The following SPTLC3 variants were observed in gnomAD, a reference collection of about 807,000 sequenced individuals.
The protein encoded by SPTLC3 is serine palmitoyltransferase 3.
SPTLC3 carries 36 observed loss-of-function variants against 59.3 expected under a neutral mutation model. The ratio of observed to expected loss-of-function variants is 0.61; its 90% CI spans 0.47 to 0.80. The LOEUF (loss-of-function observed/expected upper bound fraction) is 0.80. Ranked by LOEUF, SPTLC3 falls within the 30% of genes least tolerant of loss-of-function variation. The probability of loss-of-function intolerance (pLI) is 0.00; values close to 1 mark genes in which losing one functional copy is unlikely to be tolerated. For missense variants in SPTLC3, 625 were observed against 685.1 expected, an observed-to-expected ratio of 0.91 and a Z score of 0.98; for synonymous variants, 257 against 240.8, an observed-to-expected ratio of 1.07 and a Z score of -0.62.
intron 4 of SPTLC3, among the ~76,000 whole-genome samples, chr20:13,086,129 T>A (rs1988997908): frequency 6.6e-6 from 1 of 152,216 alleles, no homozygotes; most frequent in Non-Finnish European, 1.5e-5. Context: ...AAAATGCCAA[T>A]ATTTATATAC....
chr20:13,113,429 T>C (rs1387219936), intron 7 of SPTLC3, among the ~76,000 whole-genome samples: 3 of 152,088 alleles, frequency 2.0e-5, no homozygotes, highest in Non-Finnish European at 4.4e-5. Context: ...CATCAATTTT[T>C]TCATAACCCC....
chr20:13,040,580 G>A (rs1023686863), intron 1 of SPTLC3, among the ~76,000 whole-genome samples: 2 of 151,976 alleles, frequency 1.3e-5, no homozygotes, highest in African/African-American at 2.4e-5. Context: ...GGATGGTCTC[G>A]ATCTCCTAAC....
chr20:13,009,897 T>C (rs992017102), intron 1 of SPTLC3, among the ~76,000 whole-genome samples: 1 of 152,230 alleles, frequency 6.6e-6, no homozygotes, highest in Non-Finnish European at 1.5e-5. Flanking sequence ...ACTACTTGAT[T>C]TGAGGCCACA....
At chr20:13,150,855 T>C (rs192132018) in intron 9 of SPTLC3, among the ~76,000 whole-genome samples, 1 of 152,334 alleles carries the variant, frequency 6.6e-6, no homozygotes, top group East Asian at 1.9e-4. Context: ...CTCTAGCTTT[T>C]TGTGTGGTTA....
At position 13,010,068 on chromosome 20, in the gene SPTLC3, C is replaced by T. The variant is rs549446695; in HGVS notation, c.117+684C>T. ...TTTTTTTTTTTCACTCTTATTGCACCGGGATGTTTGCAGAGTGTCCTAGGC... is the reference window on the plus strand; with the variant it reads ...TTTTTTTTTTTCACTCTTATTGCACTGGGATGTTTGCAGAGTGTCCTAGGC... On this transcript the variant is annotated intron_variant, in intron 1 of 11. Coordinates refer to ENST00000399002, the MANE Select transcript of SPTLC3 (RefSeq NM_018327.4). Among the ~76,000 whole-genome samples, 31 of 151,174 alleles carry T rather than the reference C, an allele frequency of 2.1e-4. 1 individual carries two copies. In the South Asian group the frequency reaches 5.2e-3, roughly 25 times the overall value.
rs576908978 is a variant in SPTLC3 at position 13,058,578 on chromosome 20, G to A, written c.303+9448G>A. ...TGTGATGCAGCCTTGGTAGTGGGGG[G>A]TGAGGCAGAGGGGAGGGCTGGTCAA... On this transcript the variant is annotated intron_variant, in intron 2 of 11. Transcript: ENST00000399002. Among the ~76,000 whole-genome samples the A allele has an allele frequency of 7.9e-5, 12 of 152,282 alleles. No homozygotes were observed. The South Asian group carries it at 8.3e-4, about 11-fold the overall frequency.
At chr20:13,112,771 T>C (rs978148962) in intron 7 of SPTLC3, among the ~76,000 whole-genome samples, 6 of 152,216 alleles carry the variant, frequency 3.9e-5, no homozygotes, top group African/African-American at 1.4e-4. Context: ...TCAATCGCTC[T>C]TGGGGGCTTC....
At chr20:13,016,077 A>T (rs1344650027) in intron 1 of SPTLC3, among the ~76,000 whole-genome samples, 1 of 152,136 alleles carries the variant, frequency 6.6e-6, no homozygotes, top group African/African-American at 2.4e-5. Context: ...AACTTTTAGA[A>T]ATGAATACAA....
intron 9 of SPTLC3, among the ~76,000 whole-genome samples, chr20:13,136,295 C>T (rs1439066304): frequency 1.3e-5 from 2 of 151,976 alleles, no homozygotes; most frequent in African/African-American, 4.8e-5. Context: ...TATTTAAGAT[C>T]CTCAGAAATA....
At position 13,088,613 on chromosome 20, in the gene SPTLC3, G is replaced by A. The variant is rs150947399; in HGVS notation, c.608-2470G>A. 4.7e-3 allele frequency among the ~76,000 whole-genome samples: 700 copies of A among 149,836 alleles called. 5 individuals carry two copies. Among genetic ancestry groups the A allele is most frequent in the African/African-American group, 0.015 (618 of 40,636 alleles). On this transcript the variant is annotated intron_variant, in intron 4 of 11. Coordinates refer to ENST00000399002, the MANE Select transcript of SPTLC3 (RefSeq NM_018327.4). ...GCTGGGATTATAGGCTTGAGCCATC[G>A]TGCCTGGCCTTTGTTTTTGTTTTAA...
intron 6 of SPTLC3, among the ~76,000 whole-genome samples, chr20:13,104,706 G>A (rs1989778902): frequency 6.6e-6 from 1 of 152,148 alleles, no homozygotes; most frequent in South Asian, 2.1e-4. Context: ...GTCATTTTAA[G>A]TCCGTGGTGT....
At chr20:13,062,720 CATCAT>C (rs1216772899) in intron 2 of SPTLC3, among the ~76,000 whole-genome samples, 3 of 152,334 alleles carry the variant, frequency 2.0e-5, no homozygotes, top group Non-Finnish European at 4.4e-5. Context: ...TATGGGATCA[CATCAT>C]ACATCTTGTG....
chr20:13,160,561 C>T (rs1004621478), intron 11 of SPTLC3, among the ~76,000 whole-genome samples: 2 of 152,198 alleles, frequency 1.3e-5, no homozygotes, highest in Non-Finnish European at 2.9e-5. Flanking sequence ...ATCTACATTA[C>T]AGCAGCACCT....
At chr20:13,108,709 G>A (rs144325253) in intron 6 of SPTLC3, among the ~76,000 whole-genome samples, 3 of 152,170 alleles carry the variant, frequency 2.0e-5, no homozygotes, top group Non-Finnish European at 4.4e-5. Context: ...CAAGTAGCTG[G>A]GATTAGAGGT....
chr20:13,037,694 T>G (rs1306611948), intron 1 of SPTLC3, among the ~76,000 whole-genome samples: 1 of 152,158 alleles, frequency 6.6e-6, no homozygotes, highest in East Asian at 1.9e-4. Flanking sequence ...AAAATGAGTC[T>G]TAGAGATGCG....
At chr20:13,135,465 T>C (rs1456205418) in intron 9 of SPTLC3, among the ~76,000 whole-genome samples, 1 of 152,216 alleles carries the variant, frequency 6.6e-6, no homozygotes. Flanking sequence ...AAAAAGATGA[T>C]CTGCTTAACC....
rs546725293 is a variant in SPTLC3 at position 13,088,357 on chromosome 20, T to C, written c.608-2726T>C. On this transcript the variant is annotated intron_variant, in intron 4 of 11. Coordinates refer to ENST00000399002, the MANE Select transcript of SPTLC3 (RefSeq NM_018327.4). ...TTGTCTTTGTTTTTGTTTTTTGAGA[T>C]GGAGTCTTGCTCTGTCGCCCAGGCT... 3.7e-3 allele frequency among the ~76,000 whole-genome samples: 568 copies of C among 152,212 alleles called. 3 individuals are homozygous for C. Among genetic ancestry groups the C allele is most frequent in the African/African-American group, 0.013 (548 of 41,526 alleles).
intron 11 of SPTLC3, among the ~76,000 whole-genome samples, chr20:13,162,865 G>A (rs1248305075): frequency 6.6e-6 from 1 of 152,034 alleles, no homozygotes; most frequent in African/African-American, 2.4e-5. Flanking sequence ...CCATCTTCCT[G>A]TCACTAAGAT....
intron 2 of SPTLC3, among the ~76,000 whole-genome samples, chr20:13,059,488 T>G (rs1987865326): frequency 6.6e-6 from 1 of 152,208 alleles, no homozygotes; most frequent in East Asian, 1.9e-4. Context: ...GGCAGCGCCA[T>G]CCCTTGAAAC....
Sources: gnomAD v4.1 joint callset for allele counts (sites outside exome capture counted in the v4.1 genomes callset) on GRCh38, gnomAD v4.1.1 for gene constraint, MANE v1.5 for transcripts, NCBI Gene and HGNC (gene_info 2026-07-23, HGNC 2026-07-21) for gene names.